The following RIPK1 variants were observed in gnomAD, a reference collection of about 807,000 sequenced individuals.
RIPK1 encodes receptor interacting serine/threonine kinase 1, also known as receptor-interacting serine/threonine-protein kinase 1.
In RIPK1, 27 loss-of-function variants were observed where a neutral mutation model predicts 62.4. The ratio of observed to expected loss-of-function variants is 0.43; its 90% CI spans 0.32 to 0.60. The LOEUF is 0.60. RIPK1 is among the 20% of genes least tolerant of loss of function. RIPK1 has a pLI of 0.07. For synonymous variants in RIPK1, 287 were observed against 303.2 expected (o/e 0.95, Z 0.55); for missense variants, 735 against 831.0 (o/e 0.88, Z 1.42).
upstream of RIPK1, among the ~76,000 whole-genome samples, chr6:3,066,517 G>A (rs745383517): frequency 1.3e-5 from 2 of 152,016 alleles, no homozygotes; most frequent in South Asian, 2.1e-4. Flanking sequence ...TCTGCCTTTC[G>A]TCTTTTTTGA....
At position 3,080,984 on chromosome 6, in the gene RIPK1, T is replaced by C; in HGVS notation, c.327T>C (p.Ser109=). 6.2e-7 allele frequency: 1 copy of C among 1,613,906 alleles called. No homozygotes were observed. ...NLMHVLKAEM[S]TPLSVKGRII... ...CTTAATATCACTTGTTTTAGATGAG[T>C]ACTCCGCTTTCTGTAAAAGGAAGGA... The change falls in exon 4 of 11, where the codon AGT becomes AGC. Residue 109 remains serine, a synonymous_variant. Transcript: ENST00000259808.
chr6:3,108,880 G>A (rs1761004462), intron 9 of RIPK1, among the ~76,000 whole-genome samples: 1 of 152,134 alleles, frequency 6.6e-6, no homozygotes, highest in African/African-American at 2.4e-5. Context: ...CAGAGAAAAT[G>A]TAACAAATGA....
At chr6:3,076,716 A>ATC in intron 1 of RIPK1, 48 bp from the exon 2 acceptor site, 1 of 394,620 alleles carries the variant, frequency 2.5e-6, no homozygotes, top group Non-Finnish European at 4.0e-6. Flanking sequence ...ATATATATAT[A>ATC]TATATATATA....
At chr6:3,090,144 G>C (rs1312418569) in intron 7 of RIPK1, among the ~76,000 whole-genome samples, 1 of 152,196 alleles carries the variant, frequency 6.6e-6, no homozygotes, top group African/African-American at 2.4e-5. Flanking sequence ...ATTTAGGAAA[G>C]TCGGCTTCTC....
Position 3,109,341 on chromosome 6 carries a change from A to C in RIPK1, c.1577-1462A>C, listed in dbSNP as rs369644891. On this transcript the variant is annotated intron_variant, in intron 9 of 10. Transcript: ENST00000259808. ...ACGTGGGGAGGTCAGCAGTCCAGGC[A>C]GAGGCAGGAGCATCATGTCAGCAGA... Among the ~76,000 whole-genome samples, 4 of 152,286 alleles carry C rather than the reference A, an allele frequency of 2.6e-5. No individual in the cohort carries two copies. The East Asian group carries it at 5.8e-4, about 22-fold the overall frequency.
At chr6:3,089,518 C>T in intron 6 of RIPK1, 63 bp from the exon 7 acceptor site, 3 of 824,484 alleles carry the variant, frequency 3.6e-6, no homozygotes, top group Non-Finnish European at 6.1e-6. Flanking sequence ...TAATAGATGG[C>T]TAATATTTTT....
Position 3,113,503 on chromosome 6 carries a change from T to G in RIPK1, c.*164T>G, listed in dbSNP as rs1353648139. ...CATAGCTGGAGAATGGGGAAAGAAA[T>G]CTGCAGCAAAGGGGTCTCACTCTGT... On this transcript the variant is annotated 3_prime_UTR_variant, in exon 11 of 11. Transcript: ENST00000259808. The surrounding 1 kb of genome is among the most constrained non-coding windows in gnomAD (Gnocchi z 5.0). The G allele has an allele frequency of 6.2e-6, 4 of 642,746 alleles. No individual in the cohort carries two copies. The highest frequency in any genetic ancestry group is 3.0e-5 in the Admixed American group (1 of 33,268). The allele number at this position is 642,746 out of a possible 1,614,324, so 39.8% of individuals were successfully genotyped here.
rs542170586 is a variant in RIPK1, at chr6:3,072,806, A to G, written c.-60-3958A>G. Among the ~76,000 whole-genome samples, 8 of 152,282 alleles carry G rather than the reference A, an allele frequency of 5.3e-5. No homozygotes were observed. The South Asian group carries it at 1.2e-3, about 24-fold the overall frequency. On this transcript the variant is annotated intron_variant, in intron 1 of 10. Transcript: ENST00000259808. This position sits in a 1 kb window ranked among gnomAD's most constrained non-coding sequence, Gnocchi z 5.6. ...ATGGCCTAAGAGGGTGGGGCGGATG[A>G]CCCTTATGGAATGGGGAAGGCTTCA... is the stretch of plus-strand genomic sequence containing the variant.
At chr6:3,076,695 AAAAC>A (rs1403852318) in intron 1 of RIPK1, 65 bp from the exon 2 acceptor site, 3,374 of 22,440 alleles carry the variant, frequency 0.15, 348 homozygotes, top group African/African-American at 0.36. Context: ...GAGAAAAAAA[AAAAC>A]ATATATATAT....
intron 3 of RIPK1, 141 bp downstream of exon 3, chr6:3,078,076 T>A: frequency 1.3e-6 from 1 of 784,556 alleles, no homozygotes; most frequent in African/African-American, 1.7e-5. Context: ...TTTTCCTTTT[T>A]TTATAGAGAC....
intron 3 of RIPK1, among the ~76,000 whole-genome samples, chr6:3,079,695 A>G (rs1322434923): frequency 1.3e-5 from 2 of 152,212 alleles, no homozygotes; most frequent in African/African-American, 4.8e-5. Flanking sequence ...AAGCCAACAG[A>G]CATCTCACAA....
upstream of RIPK1, among the ~76,000 whole-genome samples, chr6:3,066,426 T>G (rs1758383832): frequency 6.6e-6 from 1 of 152,182 alleles, no homozygotes. Context: ...TTTTTGTATT[T>G]CTTGTATCTA....
chr6:3,072,205 A>G lies in RIPK1; in HGVS notation c.-61+3544A>G, dbSNP rs1043061965. 8.5e-5 allele frequency among the ~76,000 whole-genome samples: 13 copies of G among 152,220 alleles called. No homozygotes were observed. The highest frequency in any genetic ancestry group is 1.6e-4 in the Non-Finnish European group (11 of 68,034). On this transcript the variant is annotated intron_variant, in intron 1 of 10. Coordinates refer to ENST00000259808, the MANE Select transcript of RIPK1 (RefSeq NM_001354930.2). This position sits in a 1 kb window ranked among gnomAD's most constrained non-coding sequence, Gnocchi z 5.6. ...GAGTAAAGAAATACTGAGTCAAGGA[A>G]TTATTCCTTTCAAAAAAATAATTTT...
rs1025647424 is a variant in RIPK1, at chr6:3,080,503, A to G, written c.322-476A>G. Among the ~76,000 whole-genome samples the G allele has an allele frequency of 1.5e-4, 23 of 152,212 alleles. 1 individual carries two copies. Among genetic ancestry groups the G allele is most frequent in the African/African-American group, 5.1e-4 (21 of 41,526 alleles). On this transcript the variant is annotated intron_variant, in intron 3 of 10. Transcript: ENST00000259808. The stretch of plus-strand genomic sequence containing the variant: ...AATCAGTGTGAACATGTTCCCTTGT[A>G]TTCTTTTTTCTCTTAATGTTATTTT...
At chr6:3,068,723 C>A (rs111966622) in intron 1 of RIPK1, 62 bp downstream of exon 1, 7 of 960,638 alleles carry the variant, frequency 7.3e-6, no homozygotes, top group Non-Finnish European at 7.4e-6. Context: ...TCCCGGTGAC[C>A]CCCCTGGTCG....
intron 7 of RIPK1, among the ~76,000 whole-genome samples, chr6:3,096,720 C>A (rs1028760523): frequency 6.9e-6 from 1 of 145,028 alleles, no homozygotes; most frequent in Non-Finnish European, 1.5e-5. Context: ...CCACCACACC[C>A]AGCGAATTTT....
chr6:3,112,205 G>A (rs116200151), intron 10 of RIPK1, among the ~76,000 whole-genome samples: 2,420 of 152,224 alleles, frequency 0.016, 58 homozygotes, highest in African/African-American at 0.055. Flanking sequence ...TTACCTCGTC[G>A]CTTGAAAGAC....
At chr6:3,084,298 G>T (rs1225128381) in intron 5 of RIPK1, among the ~76,000 whole-genome samples, 3 of 152,140 alleles carry the variant, frequency 2.0e-5, no homozygotes, top group Non-Finnish European at 2.9e-5. Context: ...TCTTCAGGAT[G>T]AAGTTCGAAT....
intron 3 of RIPK1, 129 bp from the exon 4 acceptor site, chr6:3,080,850 G>GT: frequency 4.0e-6 from 3 of 750,048 alleles, no homozygotes; most frequent in Non-Finnish European, 4.4e-6. Context: ...CAGTACTGTG[G>GT]TGCACCTGCT....
Sources: allele counts gnomAD v4.1 joint callset (sites outside exome capture counted in the v4.1 genomes callset), GRCh38; gene constraint gnomAD v4.1.1; non-coding constraint Gnocchi (gnomAD v3.1); transcripts MANE v1.5; gene names NCBI Gene and HGNC (gene_info 2026-07-23, HGNC 2026-07-21).